Variants in ANKH observed in about 807,000 individuals in gnomAD.
ANKH encodes the protein ANKH inorganic pyrophosphate transport regulator.
In ANKH, 15 loss-of-function variants were observed where a neutral mutation model predicts 49.0. The ratio of observed to expected loss-of-function variants is 0.31; its 90% CI spans 0.20 to 0.47. ANKH has a LOEUF of 0.47. ANKH is among the 20% of genes least tolerant of loss of function. ANKH has a pLI of 1.00. For missense variants in ANKH, 429 were observed against 652.0 expected (o/e 0.66, Z 3.72); for synonymous variants, 273 against 260.0 (o/e 1.05, Z -0.48).
chr5:14,797,291 A>C, intron 1 of ANKH: 2 of 1,515,086 alleles, frequency 1.3e-6, no homozygotes, highest in Non-Finnish European at 1.8e-6. Context: ...TGTGACCACC[A>C]TGAATAAACA....
intron 8 of ANKH, among the ~76,000 whole-genome samples, chr5:14,735,017 A>G (rs1031375060): frequency 1.3e-5 from 2 of 152,250 alleles, no homozygotes; most frequent in African/African-American, 4.8e-5. Flanking sequence ...CTCTGCAAAG[A>G]CCTTGTTGAG....
intron 1 of ANKH, among the ~76,000 whole-genome samples, chr5:14,850,772 T>G (rs954716335): frequency 3.3e-5 from 5 of 152,306 alleles, no homozygotes; most frequent in Non-Finnish European, 7.3e-5. Context: ...GAAAAATCTT[T>G]GAAACAGACC....
intron 1 of ANKH, among the ~76,000 whole-genome samples, chr5:14,812,961 A>C (rs1453525056): frequency 6.6e-6 from 1 of 152,220 alleles, no homozygotes; most frequent in African/African-American, 2.4e-5. Flanking sequence ...ATTCAATGTA[A>C]TCATCCTGGT....
At position 14,706,219 on chromosome 5, in the gene ANKH, A is replaced by T. The variant is rs1448755116; in HGVS notation, c.*4978T>A. ...CCTAACTTAAAAACAGGTACTATAT[A>T]AAAAAAATTTGCTGAATCTATGTGT... On this transcript the variant is annotated 3_prime_UTR_variant, in exon 12 of 12. Transcript: ENST00000284268. The T allele has an allele frequency of 6.6e-6, 1 of 152,176 alleles. No homozygotes were observed. Among genetic ancestry groups the T allele is most frequent in the East Asian group, 1.9e-4 (1 of 5,206 alleles). The allele number at this position is 152,176 out of a possible 1,614,324, so 9.4% of individuals were successfully genotyped here. A position where few individuals can be genotyped will look rare whatever the true frequency, so the allele number is the denominator to read the frequency against.
intron 8 of ANKH, among the ~76,000 whole-genome samples, chr5:14,720,439 G>A (rs940544657): frequency 6.6e-6 from 1 of 152,172 alleles, no homozygotes; most frequent in Non-Finnish European, 1.5e-5. Flanking sequence ...CATAGCCCTG[G>A]TATGGTGGCA....
At chr5:14,803,885 T>G (rs1452828016) in intron 1 of ANKH, among the ~76,000 whole-genome samples, 4 of 152,124 alleles carry the variant, frequency 2.6e-5, no homozygotes, top group Non-Finnish European at 5.9e-5. Context: ...CAAATTCTAT[T>G]AGTTCTCTAC....
chr5:14,820,524 C>T (rs1283210814), intron 1 of ANKH, among the ~76,000 whole-genome samples: 1 of 152,160 alleles, frequency 6.6e-6, no homozygotes, highest in Non-Finnish European at 1.5e-5. Flanking sequence ...AGAGGAGACA[C>T]CACAATTAGG....
At chr5:14,714,753 A>G (rs1737380403) in intron 9 of ANKH, among the ~76,000 whole-genome samples, 2 of 152,136 alleles carry the variant, frequency 1.3e-5, no homozygotes, top group Non-Finnish European at 2.9e-5. Flanking sequence ...CAGATTGCAA[A>G]GAGTGGCAGG....
intron 8 of ANKH, among the ~76,000 whole-genome samples, chr5:14,719,009 G>T (rs903627817): frequency 8.5e-5 from 13 of 152,084 alleles, no homozygotes; most frequent in African/African-American, 3.1e-4. Flanking sequence ...CAAATAATAG[G>T]AGTTCTGGAA....
chr5:14,750,334 A>G (rs1188856716), intron 5 of ANKH, among the ~76,000 whole-genome samples: 1 of 152,236 alleles, frequency 6.6e-6, no homozygotes. Flanking sequence ...GGTCATCTCT[A>G]TAAGGTTCTC....
intron 8 of ANKH, among the ~76,000 whole-genome samples, chr5:14,731,081 C>T (rs2011206): frequency 0.038 from 5,862 of 152,302 alleles, 152 homozygotes; most frequent in Admixed American, 0.08. Context: ...GCTGGAGAGG[C>T]GGCCCAACAC....
intron 8 of ANKH, among the ~76,000 whole-genome samples, chr5:14,723,852 A>AC (rs1196354454): frequency 1.3e-5 from 2 of 152,318 alleles, no homozygotes; most frequent in Admixed American, 6.5e-5. Flanking sequence ...CAAGGGGTAG[A>AC]CTTCCTCATT....
At chr5:14,804,713 A>G (rs1285547631) in intron 1 of ANKH, among the ~76,000 whole-genome samples, 1 of 152,242 alleles carries the variant, frequency 6.6e-6, no homozygotes, top group African/African-American at 2.4e-5. Flanking sequence ...GAGTTGAGGA[A>G]ATGGATACTT....
intron 8 of ANKH, among the ~76,000 whole-genome samples, chr5:14,728,235 A>T (rs1737882291): frequency 6.6e-6 from 1 of 152,236 alleles, no homozygotes; most frequent in South Asian, 2.1e-4. Context: ...TTAGCTGAGG[A>T]GGACACAGGG....
intron 1 of ANKH, among the ~76,000 whole-genome samples, chr5:14,778,757 C>T (rs75863258): frequency 6.6e-6 from 1 of 152,310 alleles, no homozygotes; most frequent in African/African-American, 2.4e-5. Flanking sequence ...CAACTCACTG[C>T]CTGCAAATCT....
intron 1 of ANKH, among the ~76,000 whole-genome samples, chr5:14,850,982 A>C (rs1030569402): frequency 6.6e-6 from 1 of 152,014 alleles, no homozygotes; most frequent in Non-Finnish European, 1.5e-5. Flanking sequence ...GGGCAGGCAA[A>C]GGCGTGGTGA....
At chr5:14,835,909 C>T (rs1474163075) in intron 1 of ANKH, among the ~76,000 whole-genome samples, 3 of 152,292 alleles carry the variant, frequency 2.0e-5, no homozygotes, top group Admixed American at 6.5e-5. Context: ...CATCAAAAAG[C>T]TTATTCACCA....
intron 1 of ANKH, among the ~76,000 whole-genome samples, chr5:14,849,294 G>C (rs560353840): frequency 6.6e-6 from 1 of 152,234 alleles, no homozygotes; most frequent in East Asian, 1.9e-4. Context: ...CCTATTTTTT[G>C]ACCACATTCT....
chr5:14,798,323 C>A (rs1169003488), intron 1 of ANKH: 77 of 1,574,024 alleles, frequency 4.9e-5, no homozygotes, highest in Non-Finnish European at 1.8e-5. Flanking sequence ...AAGGGGTGTT[C>A]TTTTTCCATA....
Sources: allele counts gnomAD v4.1 joint callset (sites outside exome capture counted in the v4.1 genomes callset), GRCh38; gene constraint gnomAD v4.1.1; transcripts MANE v1.5; gene names NCBI Gene and HGNC (gene_info 2026-07-23, HGNC 2026-07-21).